The following ATAD3B variants were observed in gnomAD, a reference collection of about 807,000 sequenced individuals.
ATAD3B encodes ATPase family AAA domain-containing protein 3B.
In ATAD3B, 59 loss-of-function variants were observed where a neutral mutation model predicts 70.2. That is an observed-to-expected ratio of 0.84 (90% CI 0.68 to 1.04). The LOEUF is 1.04. Among genes scored for constraint, ATAD3B ranks in the 50% least tolerant of loss-of-function variants. ATAD3B has a pLI of 0.00. For synonymous variants in ATAD3B, 423 were observed against 388.6 expected, an observed-to-expected ratio of 1.09 and a Z score of -1.04; for missense variants, 961 against 913.4, an observed-to-expected ratio of 1.05 and a Z score of -0.67.
the ATAD3B span, among the ~76,000 whole-genome samples, chr1:1,505,507 C>A: frequency 1.3e-5 from 2 of 152,072 alleles, no homozygotes; most frequent in East Asian, 3.9e-4. Context: ...TCTCTAAACT[C>A]CCCCGGGGAA....
chr1:1,475,359 G>A (rs1335612051), intron 1 of ATAD3B, among the ~76,000 whole-genome samples: 3 of 151,558 alleles, frequency 2.0e-5, no homozygotes, highest in Admixed American at 1.3e-4. Context: ...CCTTTCCCCG[G>A]GTGCCCCCTG....
intron 15 of ATAD3B, among the ~76,000 whole-genome samples, chr1:1,492,952 AAG>A (rs1333145212): frequency 2.0e-4 from 30 of 149,710 alleles, no homozygotes; most frequent in African/African-American, 7.2e-4. Context: ...AAAAAAAAAA[AAG>A]AAAGAAATTA....
intron 7 of ATAD3B, 128 bp from the exon 8 acceptor site, chr1:1,484,888 T>G (rs1640116695): frequency 7.0e-7 from 1 of 1,434,310 alleles, no homozygotes; most frequent in African/African-American, 1.4e-5. Flanking sequence ...CGGGTTCCTG[T>G]GGGGCCAGCA....
At chr1:1,492,850 G>A (rs819982) in intron 15 of ATAD3B, among the ~76,000 whole-genome samples, 49,182 of 151,214 alleles carry the variant, frequency 0.33, 14,393 homozygotes, top group African/African-American at 0.75. Flanking sequence ...GAGGCAGGAG[G>A]ATCGCTTGAA....
intron 7 of ATAD3B, chr1:1,484,780 G>A: frequency 8.4e-7 from 1 of 1,189,544 alleles, no homozygotes; most frequent in Non-Finnish European, 1.1e-6. Context: ...TAGGATTTAT[G>A]CTGCCAGTTG....
chr1:1,493,547 C>T (rs539534749), intron 15 of ATAD3B, among the ~76,000 whole-genome samples: 25 of 151,894 alleles, frequency 1.6e-4, no homozygotes, highest in African/African-American at 5.5e-4. Flanking sequence ...GAACTCCTGA[C>T]GTCAGGTGAC....
chr1:1,509,350 G>A, the ATAD3B span: 3 of 1,610,780 alleles, frequency 1.9e-6, no homozygotes, highest in Non-Finnish European at 2.5e-6. Context: ...CCCTCATCCT[G>A]AGTCCATGGG....
the ATAD3B span, chr1:1,503,384 C>G: frequency 1.7e-6 from 1 of 600,188 alleles, no homozygotes; most frequent in Non-Finnish European, 3.0e-6. Context: ...CATAAAACCT[C>G]ACAAATGCAT....
chr1:1,484,503 T>A (rs1640097084), intron 7 of ATAD3B: 1 of 153,618 alleles, frequency 6.5e-6, no homozygotes. Flanking sequence ...TTTTTTCATG[T>A]TTTTAGTAGA....
At chr1:1,484,189 T>G (rs533234014) in intron 7 of ATAD3B, 1 of 152,114 alleles carries the variant, frequency 6.6e-6, no homozygotes, top group Admixed American at 6.5e-5. Flanking sequence ...CTTTGATTTT[T>G]TTTTTTTTGA....
chr1:1,498,724 A>T (rs368822324), downstream of ATAD3B, among the ~76,000 whole-genome samples: 8 of 148,910 alleles, frequency 5.4e-5, no homozygotes, highest in East Asian at 8.3e-4. Context: ...TTTTTTTCAG[A>T]CGGAGTCTCA....
chr1:1,474,442 G>A (rs761856312), intron 1 of ATAD3B, among the ~76,000 whole-genome samples: 7 of 151,354 alleles, frequency 4.6e-5, no homozygotes, highest in Non-Finnish European at 8.8e-5. Context: ...CACCCGCCTC[G>A]GCCACCCAAA....
chr1:1,479,755 C>T (rs982094794), intron 4 of ATAD3B, among the ~76,000 whole-genome samples: 1 of 142,960 alleles, frequency 7.0e-6, no homozygotes, highest in Non-Finnish European at 1.5e-5. Flanking sequence ...GCATGCACAC[C>T]CCTCTGCACA....
At chr1:1,505,567 CACTG>C in the ATAD3B span, among the ~76,000 whole-genome samples, 19 of 152,154 alleles carry the variant, frequency 1.2e-4, no homozygotes, top group Admixed American at 3.9e-4. Flanking sequence ...TTTCCCTTGA[CACTG>C]ACGCTACCGC....
At position 1,482,711 on chromosome 1, in the gene ATAD3B, G is replaced by T. The variant is rs746670896; in HGVS notation, c.750+97G>T. The T allele has an allele frequency of 2.2e-5, 35 of 1,578,238 alleles. 2 individuals carry two copies. Among genetic ancestry groups the T allele is most frequent in the Non-Finnish European group, 3.0e-5 (35 of 1,151,438 alleles). On this transcript the variant is annotated intron_variant, in intron 7 of 15. Transcript: ENST00000673477. ...GTCCTGTCCCTGCCGGCTCTGCACA[G>T]CCCTGTAGCTCTCCCAGCACAGAGC...
Position 1,496,073 on chromosome 1 carries a change from C to A in ATAD3B, c.*256C>A. The stretch of plus-strand genomic sequence containing the variant: ...AGACAGAAGTGGGGCGGCCTGAACC[C>A]TGCTTCCAGCCATGGCCAGGGGCCA... On this transcript the variant is annotated 3_prime_UTR_variant, in exon 16 of 16. Coordinates refer to ENST00000673477, the MANE Select transcript of ATAD3B (RefSeq NM_031921.6). The A allele has an allele frequency of 8.1e-7, 1 of 1,237,588 alleles. No homozygotes were observed. The highest frequency in any genetic ancestry group is 3.3e-5 in the East Asian group (1 of 30,480). 76.7% of individuals were successfully genotyped at this position (1,237,588 alleles called of 1,614,324 possible).
rs558735563 is a variant in ATAD3B, at chr1:1,490,717, T to C, written c.1614+46T>C. On this transcript the variant is annotated intron_variant, in intron 15 of 15. Transcript: ENST00000673477. ...TCCACCCAGACGGGACCCCAGCTGC[T>C]GTGGAGATGCTCAGTTGCGCCAGGC... is the stretch of plus-strand genomic sequence containing the variant. The C allele has an allele frequency of 1.0e-5, 16 of 1,543,116 alleles. 1 individual carries two copies. The African/African-American group carries it at 2.0e-4, about 20-fold the overall frequency.
chr1:1,477,224 T>C, intron 1 of ATAD3B, 50 bp from the exon 2 acceptor site: 1 of 1,604,138 alleles, frequency 6.2e-7, no homozygotes, highest in Non-Finnish European at 8.5e-7. Flanking sequence ...TGGCCAGGCT[T>C]TGGTATCCGT....
At chr1:1,502,794 G>A (rs1640973651), downstream of ATAD3B, among the ~76,000 whole-genome samples, 1 of 151,664 alleles carries the variant, frequency 6.6e-6, no homozygotes, top group Non-Finnish European at 1.5e-5. Context: ...TTACAGGCAT[G>A]AGCCACCGCA....
Sources: gnomAD v4.1 joint callset for allele counts (sites outside exome capture counted in the v4.1 genomes callset) on GRCh38, gnomAD v4.1.1 for gene constraint, MANE v1.5 for transcripts, NCBI Gene and HGNC (gene_info 2026-07-23, HGNC 2026-07-21) for gene names.